Variants in LEPR observed in about 807,000 individuals in gnomAD.
LEPR encodes the protein leptin receptor, also known as OB receptor.
Under a neutral mutation model 114.7 loss-of-function variants are expected in LEPR, and 56 were observed. The observed-to-expected ratio is 0.49, with a 90% CI of 0.39 to 0.61. The LOEUF (loss-of-function observed/expected upper bound fraction) is 0.61. Among genes scored for constraint, LEPR ranks in the 20% least tolerant of loss-of-function variants. The pLI, the probability that LEPR is intolerant of heterozygous loss-of-function variation, is 0.00. For missense variants in LEPR, 1,202 were observed against 1,352.9 expected, an observed-to-expected ratio of 0.89 and a Z score of 1.75; for synonymous variants, 443 against 461.4, an observed-to-expected ratio of 0.96 and a Z score of 0.51.
intron 2 of LEPR, 36 bp downstream of exon 2, chr1:65,425,414 C>T (rs779393377): frequency 1.3e-5 from 20 of 1,550,590 alleles, no homozygotes; most frequent in Non-Finnish European, 1.7e-5. Flanking sequence ...ATTCCTCTTT[C>T]TGTGTCTTTG....
At chr1:65,422,522 C>A (rs968905136) in intron 1 of LEPR, among the ~76,000 whole-genome samples, 1 of 152,098 alleles carries the variant, frequency 6.6e-6, no homozygotes, top group South Asian at 2.1e-4. Flanking sequence ...TAACGGCAGC[C>A]CTAGGAAGCT....
At chr1:65,454,978 G>A (rs1032813640) in intron 2 of LEPR, among the ~76,000 whole-genome samples, 8 of 152,008 alleles carry the variant, frequency 5.3e-5, no homozygotes, top group African/African-American at 1.9e-4. Flanking sequence ...GGCTTTGCTC[G>A]TTTCTTTTTA....
chr1:65,556,632 C>A (rs965227630), intron 2 of LEPR, among the ~76,000 whole-genome samples: 1 of 152,102 alleles, frequency 6.6e-6, no homozygotes, highest in Non-Finnish European at 1.5e-5. Context: ...TGCTATTATG[C>A]CAGATTCTCA....
At chr1:65,497,055 A>G (rs1252217285) in intron 2 of LEPR, among the ~76,000 whole-genome samples, 1 of 152,146 alleles carries the variant, frequency 6.6e-6, no homozygotes, top group Non-Finnish European at 1.5e-5. Context: ...AAGGTCTTGC[A>G]ATCACATTGC....
chr1:65,551,076 G>A (rs1226241076), intron 2 of LEPR, among the ~76,000 whole-genome samples: 1 of 152,076 alleles, frequency 6.6e-6, no homozygotes, highest in Non-Finnish European at 1.5e-5. Context: ...CGACTTCATC[G>A]TGGTGGATGA....
At chr1:65,599,304 C>T (rs6700201) in intron 8 of LEPR, among the ~76,000 whole-genome samples, 35,729 of 151,830 alleles carry the variant, frequency 0.24, 4,795 homozygotes, top group South Asian at 0.34. Flanking sequence ...GCAGCTGATG[C>T]GCAAAGTTTT....
chr1:65,629,894 T>A (rs1020919750), intron 19 of LEPR, among the ~76,000 whole-genome samples: 9 of 152,124 alleles, frequency 5.9e-5, no homozygotes, highest in African/African-American at 1.9e-4. Context: ...CTCTAAACTT[T>A]CCCTTAACTG....
rs536757129 is a variant in LEPR, at chr1:65,577,997, C to A, written c.494+5548C>A. On this transcript the variant is annotated intron_variant, in intron 5 of 19. Transcript: ENST00000349533. ...CCTACAGGCCCCAGTGTGTGATGTT[C>A]CCCTCCCTGTGTCCATGTGTTCTCA... 4.0e-5 allele frequency among the ~76,000 whole-genome samples: 6 copies of A among 151,170 alleles called. No homozygotes were observed. In the East Asian group the frequency reaches 1.2e-3, roughly 29 times the overall value.
intron 10 of LEPR, among the ~76,000 whole-genome samples, chr1:65,603,081 T>C (rs761275927): frequency 5.9e-5 from 9 of 152,216 alleles, no homozygotes; most frequent in Non-Finnish European, 8.8e-5. Context: ...TTAACTTCCC[T>C]AAGCCTCAAT....
At chr1:65,503,946 G>A (rs1001441119) in intron 2 of LEPR, among the ~76,000 whole-genome samples, 1 of 151,878 alleles carries the variant, frequency 6.6e-6, no homozygotes, top group Non-Finnish European at 1.5e-5. Flanking sequence ...TTAGAGAGAC[G>A]GCTGATTCTC....
intron 2 of LEPR, among the ~76,000 whole-genome samples, chr1:65,441,537 C>T (rs1046789170): frequency 4.6e-5 from 7 of 152,038 alleles, no homozygotes; most frequent in Admixed American, 2.6e-4. Context: ...AGCACAATTC[C>T]GAGAAGAAAA....
chr1:65,584,666 G>A (rs1159887921), intron 5 of LEPR, among the ~76,000 whole-genome samples: 1 of 152,002 alleles, frequency 6.6e-6, no homozygotes. Context: ...CGTACTAACT[G>A]AAGTGCAATA....
At chr1:65,569,947 AGCC>A (rs1654040166) in intron 3 of LEPR, among the ~76,000 whole-genome samples, 1 of 143,466 alleles carries the variant, frequency 7.0e-6, no homozygotes. Flanking sequence ...GAGATCATCA[AGCC>A]ATCATCATGT....
chr1:65,430,848 C>T (rs1383914460), intron 2 of LEPR, among the ~76,000 whole-genome samples: 3 of 152,060 alleles, frequency 2.0e-5, no homozygotes, highest in African/African-American at 7.2e-5. Flanking sequence ...GATCAGAATG[C>T]CATAGGGGCA....
chr1:65,495,548 A>T lies in LEPR; in HGVS notation c.-20-69998A>T, dbSNP rs944778020. Among the ~76,000 whole-genome samples, 3 of 152,320 alleles carry T rather than the reference A, an allele frequency of 2.0e-5. No homozygotes were observed. In the South Asian group the frequency reaches 6.2e-4, roughly 32 times the overall value. On this transcript the variant is annotated intron_variant, in intron 2 of 19. Coordinates refer to ENST00000349533, the MANE Select transcript of LEPR (RefSeq NM_002303.6). ...TATGATCCAGCAATCTCACTACTGG[A>T]TATTTATCCAAAGGAAAGGAAATTA...
intron 11 of LEPR, among the ~76,000 whole-genome samples, chr1:65,606,633 C>T (rs549404149): frequency 1.3e-5 from 2 of 152,218 alleles, no homozygotes; most frequent in African/African-American, 4.8e-5. Context: ...CATATCCTTT[C>T]TGCAGACTGG....
At chr1:65,526,119 A>G in intron 2 of LEPR, 1 of 977,892 alleles carries the variant, frequency 1.0e-6, no homozygotes, top group Non-Finnish European at 1.2e-6. Flanking sequence ...CCGAGAGAGC[A>G]TGCCACCCGG....
chr1:65,560,082 G>T (rs1407152886), intron 2 of LEPR, among the ~76,000 whole-genome samples: 1 of 137,734 alleles, frequency 7.3e-6, no homozygotes, highest in African/African-American at 2.7e-5. Context: ...TTCCAATTCT[G>T]TGAAGAAAGT....
chr1:65,451,762 C>G (rs890045617), intron 2 of LEPR, among the ~76,000 whole-genome samples: 22 of 151,886 alleles, frequency 1.4e-4, no homozygotes, highest in African/African-American at 5.1e-4. Context: ...GTGATGCGGG[C>G]TCTTTTTTGG....
Sources: allele counts gnomAD v4.1 joint callset (sites outside exome capture counted in the v4.1 genomes callset), GRCh38; gene constraint gnomAD v4.1.1; transcripts MANE v1.5; gene names NCBI Gene and HGNC (gene_info 2026-07-23, HGNC 2026-07-21).